The following DEPDC5 variants were observed in gnomAD, a reference collection of about 807,000 sequenced individuals.
DEPDC5 encodes GATOR1 complex protein DEPDC5.
Under a neutral mutation model 217.3 loss-of-function variants are expected in DEPDC5, and 73 were observed. The observed-to-expected ratio is 0.34, with a 90% CI of 0.28 to 0.41. DEPDC5 has a LOEUF of 0.41. Ranked by LOEUF, DEPDC5 falls within the 10% of genes least tolerant of loss-of-function variation. DEPDC5 has a pLI of 1.00. For synonymous variants in DEPDC5, 733 were observed against 756.7 expected (o/e 0.97, Z 0.51); for missense variants, 1,675 against 2,070.1 (o/e 0.81, Z 3.70).
At chr22:31,825,472 G>A (rs2090067417) in intron 24 of DEPDC5, among the ~76,000 whole-genome samples, 2 of 152,094 alleles carry the variant, frequency 1.3e-5, no homozygotes, top group South Asian at 4.1e-4. Context: ...CTGAGCTGTA[G>A]GTGTGTCCAC....
intron 3 of DEPDC5, among the ~76,000 whole-genome samples, 195 bp from the exon 4 acceptor site, chr22:31,760,461 C>T (rs1343867774): frequency 6.6e-6 from 1 of 152,206 alleles, no homozygotes; most frequent in Non-Finnish European, 1.5e-5. Flanking sequence ...GCCTCGGCCT[C>T]CCAAAGTGCT....
intron 41 of DEPDC5, among the ~76,000 whole-genome samples, 185 bp downstream of exon 41, chr22:31,901,987 G>A (rs2093656418): frequency 6.6e-6 from 1 of 152,060 alleles, no homozygotes; most frequent in South Asian, 2.1e-4. Flanking sequence ...CTGCCTCCCT[G>A]TTTCCTGTAA....
Position 31,846,769 on chromosome 22 carries a change from G to A in DEPDC5, c.3022-65G>A, listed in dbSNP as rs1055092505. The A allele has an allele frequency of 1.9e-6, 3 of 1,610,836 alleles. No homozygotes were observed. The Admixed American group carries it at 5.0e-5, about 27-fold the overall frequency. ...CTGGGAATGCTGCAGCATGCCCTGG[G>A]GCATGAGTGGCTTCCACTGAGAGCC... On this transcript the variant is annotated intron_variant, in intron 30 of 42. Transcript: ENST00000651528.
rs1273579191 is a variant in DEPDC5 at position 31,782,410 on chromosome 22, T to G, written c.484-1497T>G. Among the ~76,000 whole-genome samples the G allele has an allele frequency of 2.0e-5, 3 of 152,180 alleles. No individual in the cohort carries two copies. The East Asian group carries it at 5.8e-4, about 29-fold the overall frequency. On this transcript the variant is annotated intron_variant, in intron 8 of 42. Transcript: ENST00000651528. ...CCTCAGCCTCCCAAAGTGCTGGGAT[T>G]ATGGGTGTCAGCCATCGTGCCCGGC... is the stretch of plus-strand genomic sequence containing the variant.
intron 24 of DEPDC5, among the ~76,000 whole-genome samples, chr22:31,824,144 G>C (rs541435581): frequency 6.6e-6 from 1 of 152,188 alleles, no homozygotes; most frequent in South Asian, 2.1e-4. Flanking sequence ...TCAGAAGTTC[G>C]AGACCAGCCT....
chr22:31,840,144 A>G (rs1277149461), intron 27 of DEPDC5, among the ~76,000 whole-genome samples: 1 of 152,186 alleles, frequency 6.6e-6, no homozygotes. Flanking sequence ...CTGAGGGAGA[A>G]GTCATGGGGC....
rs530152224 is a variant in DEPDC5, at chr22:31,805,292, T to A, written c.1217+377T>A. ...TCCAGCTCAGGGATGGCTTTTCTCA[T>A]CCCTCTGCCAGTGCCAGTGCCTCAT... On this transcript the variant is annotated intron_variant, in intron 17 of 42. Transcript: ENST00000651528. Among the ~76,000 whole-genome samples, 152 of 152,134 alleles carry A rather than the reference T, an allele frequency of 1.0e-3. 1 individual carries two copies. The highest frequency in any genetic ancestry group is 1.4e-3 in the Non-Finnish European group (92 of 68,018).
intron 20 of DEPDC5, 126 bp downstream of exon 20, chr22:31,810,767 T>TG (rs2088203418): frequency 1.4e-6 from 2 of 1,441,216 alleles, no homozygotes; most frequent in East Asian, 2.3e-5. Context: ...CGTTTTGGTT[T>TG]TTTGTTTGTT....
chr22:31,849,779 T>TA lies in DEPDC5; in HGVS notation c.3155+2824dup, dbSNP rs376585964. Among the ~76,000 whole-genome samples the TA allele has an allele frequency of 9.3e-3, 1,354 of 145,002 alleles. 22 individuals are homozygous for TA. The highest frequency in any genetic ancestry group is 0.027 in the African/African-American group (1,062 of 39,526). On this transcript the variant is annotated intron_variant, in intron 31 of 42. Transcript: ENST00000651528. ...CTGGGTGACAGAGCAAGACTCCGTCTAAAAAAAAAAAATAAGTAAATAAAA... is the reference window on the plus strand; with the variant it reads ...CTGGGTGACAGAGCAAGACTCCGTCTAAAAAAAAAAAAATAAGTAAATAAAA...
In DEPDC5 at chr22:31,797,731, G is replaced by A. The variant is rs116382579; in HGVS notation, c.871+28G>A. On this transcript the variant is annotated intron_variant, in intron 13 of 42. Transcript: ENST00000651528. The stretch of plus-strand genomic sequence containing the variant: ...ACTGCATTCATGTAATAGATGGTGC[G>A]GCGGGGAAAGGAAGTGTAGGAGGGG... 2.0e-3 allele frequency: 3,062 copies of A among 1,555,850 alleles called. 49 individuals carry two copies. The African/African-American group carries it at 0.029, about 15-fold the overall frequency.
chr22:31,871,616 G>A (rs893312178), intron 34 of DEPDC5, among the ~76,000 whole-genome samples: 5 of 152,192 alleles, frequency 3.3e-5, no homozygotes, highest in East Asian at 1.9e-4. Flanking sequence ...GGCTGTAGGC[G>A]TGGAGGAGAT....
chr22:31,838,917 T>G, intron 27 of DEPDC5, 72 bp downstream of exon 27: 2 of 1,478,162 alleles, frequency 1.4e-6, no homozygotes, highest in Non-Finnish European at 9.1e-7. Context: ...TTCAAGATGG[T>G]AGGTAGTAGA....
intron 3 of DEPDC5, among the ~76,000 whole-genome samples, chr22:31,760,168 C>T (rs1160563992): frequency 6.6e-6 from 1 of 151,666 alleles, no homozygotes; most frequent in African/African-American, 2.4e-5. Context: ...CCCGGGTTCA[C>T]GCCATTCTCC....
At chr22:31,792,906 G>T in intron 12 of DEPDC5, 89 bp downstream of exon 12, 1 of 1,166,340 alleles carries the variant, frequency 8.6e-7, no homozygotes. Flanking sequence ...GCAACATGGC[G>T]AAACCCTGTC....
At chr22:31,812,929 G>C (rs938642705) in intron 20 of DEPDC5, among the ~76,000 whole-genome samples, 1 of 151,800 alleles carries the variant, frequency 6.6e-6, no homozygotes, top group African/African-American at 2.4e-5. Context: ...TAGTAGAGAC[G>C]GGGTTTCTCA....
At chr22:31,836,404 T>C (rs1203228360) in intron 25 of DEPDC5, among the ~76,000 whole-genome samples, 1 of 152,276 alleles carries the variant, frequency 6.6e-6, no homozygotes, top group East Asian at 1.9e-4. Context: ...TTTTGGATTG[T>C]TAAAACTCTG....
At chr22:31,885,930 A>G (rs2093299481) in intron 38 of DEPDC5, among the ~76,000 whole-genome samples, 1 of 150,922 alleles carries the variant, frequency 6.6e-6, no homozygotes, top group Non-Finnish European at 1.5e-5. Flanking sequence ...GCTACTCAGG[A>G]GGCTGAGGCA....
chr22:31,784,792 T>C, intron 9 of DEPDC5, 22 bp from the exon 10 acceptor site: 2 of 1,607,050 alleles, frequency 1.2e-6, no homozygotes, highest in Non-Finnish European at 1.7e-6. Flanking sequence ...GTTCTCATCC[T>C]TTTTTCATTG....
intron 18 of DEPDC5, among the ~76,000 whole-genome samples, chr22:31,809,048 G>A (rs902409210): frequency 2.0e-5 from 3 of 152,116 alleles, no homozygotes; most frequent in South Asian, 4.1e-4. Flanking sequence ...GATTACAGGC[G>A]TGAACCACTG....
Sources: allele counts gnomAD v4.1 joint callset (sites outside exome capture counted in the v4.1 genomes callset), GRCh38; gene constraint gnomAD v4.1.1; transcripts MANE v1.5; gene names NCBI Gene and HGNC (gene_info 2026-07-23, HGNC 2026-07-21).